Variants in ST6GALNAC3 observed in about 807,000 individuals in gnomAD.
ST6GALNAC3 encodes ST6 N-acetylgalactosaminide alpha-2,6-sialyltransferase 3.
A neutral mutation model predicts 32.7 loss-of-function variants in ST6GALNAC3; 25 were observed. The ratio of observed to expected loss-of-function variants is 0.76; its 90% CI spans 0.56 to 1.07. The LOEUF (loss-of-function observed/expected upper bound fraction) is 1.07. ST6GALNAC3 is among the 50% of genes least tolerant of loss of function. The probability of loss-of-function intolerance (pLI) is 0.00; values close to 1 mark genes in which losing one functional copy is unlikely to be tolerated. For missense variants in ST6GALNAC3, 355 were observed against 382.4 expected, an observed-to-expected ratio of 0.93 and a Z score of 0.60; for synonymous variants, 129 against 133.1, an observed-to-expected ratio of 0.97 and a Z score of 0.21.
chr1:76,356,330 A>G (rs2101036897), intron 2 of ST6GALNAC3, among the ~76,000 whole-genome samples: 1 of 152,212 alleles, frequency 6.6e-6, no homozygotes, highest in Admixed American at 6.5e-5. Context: ...GGATCCAAAT[A>G]TAAAGGCCAA....
chr1:76,313,277 G>A (rs1171943396), intron 1 of ST6GALNAC3, among the ~76,000 whole-genome samples: 1 of 152,062 alleles, frequency 6.6e-6, no homozygotes, highest in East Asian at 1.9e-4. Flanking sequence ...TTAAGAGCCT[G>A]GGATACAGAG....
chr1:76,118,458 C>A (rs1249190929), intron 1 of ST6GALNAC3, among the ~76,000 whole-genome samples: 1 of 152,218 alleles, frequency 6.6e-6, no homozygotes, highest in East Asian at 1.9e-4. Context: ...CTGACATAAA[C>A]TGACCTTCTC....
intron 1 of ST6GALNAC3, among the ~76,000 whole-genome samples, chr1:76,286,267 T>G (rs1659771594): frequency 2.0e-5 from 3 of 152,222 alleles, no homozygotes; most frequent in Non-Finnish European, 1.5e-5. Flanking sequence ...CTAGAAGCTT[T>G]GGGAGAAAGG....
chr1:76,494,468 T>C (rs55747864), intron 3 of ST6GALNAC3, among the ~76,000 whole-genome samples: 19,992 of 59,246 alleles, frequency 0.34, 4,184 homozygotes, highest in South Asian at 0.58. Context: ...TATATATATA[T>C]ACACACACAC....
intron 1 of ST6GALNAC3, among the ~76,000 whole-genome samples, chr1:76,146,687 C>T (rs997098414): frequency 7.9e-5 from 12 of 152,218 alleles, no homozygotes; most frequent in Middle Eastern, 3.4e-3. Flanking sequence ...AATAGGGGTT[C>T]CACCCCCCTC....
At chr1:76,354,855 T>C (rs1649311356) in intron 2 of ST6GALNAC3, among the ~76,000 whole-genome samples, 1 of 152,206 alleles carries the variant, frequency 6.6e-6, no homozygotes, top group South Asian at 2.1e-4. Flanking sequence ...TTTTCTATTA[T>C]GGTCACTTAA....
intron 1 of ST6GALNAC3, among the ~76,000 whole-genome samples, chr1:76,162,569 T>G (rs1570262463): frequency 6.6e-6 from 1 of 152,114 alleles, no homozygotes; most frequent in Admixed American, 6.6e-5. Flanking sequence ...AGTGTTGTAG[T>G]GAGGGTTTAA....
intron 1 of ST6GALNAC3, among the ~76,000 whole-genome samples, chr1:76,172,119 TA>T (rs922018159): frequency 9.4e-5 from 14 of 148,416 alleles, no homozygotes; most frequent in Non-Finnish European, 1.5e-4. Flanking sequence ...CAGCAGCACA[TA>T]AAAAAAAAAC....
chr1:76,465,868 A>G (rs1173145228), intron 3 of ST6GALNAC3, among the ~76,000 whole-genome samples: 3 of 151,962 alleles, frequency 2.0e-5, no homozygotes, highest in East Asian at 1.9e-4. Flanking sequence ...TTCTGGGTCT[A>G]TGGTCTTTTT....
intron 3 of ST6GALNAC3, among the ~76,000 whole-genome samples, chr1:76,428,947 A>G (rs956298069): frequency 6.6e-6 from 1 of 152,140 alleles, no homozygotes; most frequent in Non-Finnish European, 1.5e-5. Flanking sequence ...CATCAGTCCT[A>G]TGAAGAACCT....
chr1:76,608,122 T>G (rs1647680431), intron 3 of ST6GALNAC3, among the ~76,000 whole-genome samples: 1 of 152,200 alleles, frequency 6.6e-6, no homozygotes, highest in African/African-American at 2.4e-5. Context: ...AAATAGCAAG[T>G]GCTTCCCAAG....
At chr1:76,417,212 T>G (rs1654706612) in intron 3 of ST6GALNAC3, among the ~76,000 whole-genome samples, 1 of 151,536 alleles carries the variant, frequency 6.6e-6, no homozygotes, top group South Asian at 2.1e-4. Context: ...AGTTGTTTTT[T>G]TTTTCTTTCT....
At position 76,509,111 on chromosome 1, in the gene ST6GALNAC3, A is replaced by T. The variant is rs559338533; in HGVS notation, c.623+96694A>T. Among the ~76,000 whole-genome samples the T allele has an allele frequency of 6.6e-6, 1 of 152,326 alleles. No individual in the cohort carries two copies. Among genetic ancestry groups the T allele is most frequent in the South Asian group, 2.1e-4 (1 of 4,822 alleles). ...TTATTTATTCTGGAAACACCAACAG[A>T]GTTGTTCGTCAATTGTTGATGTAGT... is the stretch of plus-strand genomic sequence containing the variant. On this transcript the variant is annotated intron_variant, in intron 3 of 4. Coordinates refer to ENST00000328299, the MANE Select transcript of ST6GALNAC3 (RefSeq NM_152996.4). This position sits in a 1 kb window ranked among gnomAD's most constrained non-coding sequence, Gnocchi z 5.5.
At chr1:76,597,553 G>C (rs961163686) in intron 3 of ST6GALNAC3, among the ~76,000 whole-genome samples, 3 of 151,998 alleles carry the variant, frequency 2.0e-5, no homozygotes, top group Non-Finnish European at 4.4e-5. Context: ...GAGACTCTTT[G>C]TTCTACTTCC....
chr1:76,605,058 A>G (rs1570426603), intron 3 of ST6GALNAC3, among the ~76,000 whole-genome samples: 1 of 152,196 alleles, frequency 6.6e-6, no homozygotes, highest in African/African-American at 2.4e-5. Context: ...ATGAAATAAC[A>G]TGTTCTGTTA....
At chr1:76,155,447 C>T (rs1651340431) in intron 1 of ST6GALNAC3, among the ~76,000 whole-genome samples, 1 of 151,998 alleles carries the variant, frequency 6.6e-6, no homozygotes, top group Non-Finnish European at 1.5e-5. Context: ...AGCAAGAGTT[C>T]CCCCACTTTC....
At chr1:76,329,794 C>CTATTTATT (rs1182095210) in intron 2 of ST6GALNAC3, among the ~76,000 whole-genome samples, 15 of 140,888 alleles carry the variant, frequency 1.1e-4, no homozygotes, top group African/African-American at 4.2e-4. Context: ...CTCTTTCTCT[C>CTATTTATT]TCTTTATTTA....
chr1:76,426,441 A>G (rs552976438), intron 3 of ST6GALNAC3, among the ~76,000 whole-genome samples: 15 of 151,816 alleles, frequency 9.9e-5, no homozygotes, highest in African/African-American at 3.6e-4. Flanking sequence ...GTCTCACTGG[A>G]AGATCTTCAG....
intron 1 of ST6GALNAC3, among the ~76,000 whole-genome samples, chr1:76,181,113 G>A (rs7534207): frequency 0.51 from 77,864 of 152,120 alleles, 22,746 homozygotes; most frequent in East Asian, 0.87. Flanking sequence ...GCACCTGTCC[G>A]TCTGCATGCT....
Sources: gnomAD v4.1 joint callset for allele counts (sites outside exome capture counted in the v4.1 genomes callset) on GRCh38, gnomAD v4.1.1 for gene constraint, Gnocchi (gnomAD v3.1) non-coding constraint, MANE v1.5 for transcripts, NCBI Gene and HGNC (gene_info 2026-07-23, HGNC 2026-07-21) for gene names.